Variants in COL12A1 observed in about 807,000 individuals in gnomAD.
COL12A1 encodes the protein collagen type XII alpha 1 chain.
A neutral mutation model predicts 349.7 loss-of-function variants in COL12A1; 114 were observed. The observed-to-expected ratio is 0.33, with a 90% CI of 0.28 to 0.38. The LOEUF is 0.38. Among genes scored for constraint, COL12A1 ranks in the 10% least tolerant of loss-of-function variants. COL12A1 has a pLI of 1.00. For synonymous variants in COL12A1, 1,369 were observed against 1,329.0 expected, an observed-to-expected ratio of 1.03 and a Z score of -0.66; for missense variants, 3,284 against 3,756.9, an observed-to-expected ratio of 0.87 and a Z score of 3.29.
intron 34 of COL12A1, among the ~76,000 whole-genome samples, chr6:75,132,744 A>C (rs4708174): frequency 0.74 from 112,573 of 152,092 alleles, 43,417 homozygotes; most frequent in Non-Finnish European, 0.85. Flanking sequence ...GGTTCCTTTT[A>C]ACTATCAGCA....
rs1407767031 is a variant in COL12A1, at chr6:75,113,844, A to C, written c.7698-100T>G. On this transcript the variant is annotated intron_variant, in intron 49 of 65. Coordinates refer to ENST00000322507, the MANE Select transcript of COL12A1 (RefSeq NM_004370.6). ...TAACATCAAGAACAGATACTCTTTTAAATCTTTGCACCAGAATCTCATATG... is the reference window on the plus strand; with the variant it reads ...TAACATCAAGAACAGATACTCTTTTCAATCTTTGCACCAGAATCTCATATG... The C allele has an allele frequency of 7.7e-6, 7 of 904,728 alleles. No individual in the cohort carries two copies. The East Asian group carries it at 1.9e-4, about 24-fold the overall frequency. The allele number at this position is 904,728 out of a possible 1,614,324, so 56.0% of individuals were successfully genotyped here. A position where few individuals can be genotyped will look rare whatever the true frequency, so the allele number is the denominator to read the frequency against.
chr6:75,111,145 T>C lies in COL12A1; in HGVS notation c.7951-1978A>G, dbSNP rs1768820316. Reference sequence around the variant, plus strand: ...ACAGCTGAAGTATATACAATTTTTCTATATGACATCTCAATAAAGCTGTTT... The same window carrying C: ...ACAGCTGAAGTATATACAATTTTTCCATATGACATCTCAATAAAGCTGTTT... On this transcript the variant is annotated intron_variant, in intron 51 of 65. Coordinates refer to ENST00000322507, the MANE Select transcript of COL12A1 (RefSeq NM_004370.6). Among the ~76,000 whole-genome samples the C allele has an allele frequency of 2.0e-5, 3 of 151,990 alleles. No individual in the cohort carries two copies. The South Asian group carries it at 6.2e-4, about 31-fold the overall frequency.
chr6:75,156,266 C>T lies in COL12A1; in HGVS notation c.3241G>A (p.Gly1081Arg). The change falls in exon 15 of 66, where the codon GGA becomes AGA. Residue 1081 changes from glycine to arginine, a missense_variant. Gly to Arg is a moderately radical substitution (Grantham distance 125). Transcript: ENST00000322507. ...AATTATTATTTCATACCTGTTGTTC[C>T]TGATCCTTGCCTAAGCTTTCCTTCT... is the stretch of plus-strand genomic sequence containing the variant. ...MGEGKLRQGS[G>R]TTASRFKSPR... 6.2e-7 allele frequency: 1 copy of T among 1,613,752 alleles called. No homozygotes were observed. Among genetic ancestry groups the T allele is most frequent in the Non-Finnish European group, 8.5e-7 (1 of 1,179,770 alleles).
chr6:75,089,000 C>CA (rs201853945), intron 64 of COL12A1, 106 bp downstream of exon 64: 72,948 of 612,206 alleles, frequency 0.12, 14 homozygotes, highest in East Asian at 0.13. Context: ...GACTCCGTCT[C>CA]AAAAACAAAA....
intron 55 of COL12A1, 68 bp downstream of exon 55, chr6:75,103,689 G>A (rs576674186): frequency 7.1e-7 from 1 of 1,403,374 alleles, no homozygotes; most frequent in East Asian, 2.3e-5. Context: ...TACCCCCTTT[G>A]TGAAAATTTG....
chr6:75,091,024 G>T (rs1767735728), intron 62 of COL12A1, among the ~76,000 whole-genome samples: 1 of 151,820 alleles, frequency 6.6e-6, no homozygotes, highest in African/African-American at 2.4e-5. Context: ...ATCTTGGTGG[G>T]CCCCCTTCCT....
chr6:75,152,197 T>C lies in COL12A1; in HGVS notation c.3769A>G (p.Arg1257Gly), dbSNP rs763603110. Reference sequence around the variant, plus strand: ...GCTTGCAACAAGCTCTTCTTGTCTCTGTGTGCATTTAACTGCCACTCTGTT... The same window carrying C: ...GCTTGCAACAAGCTCTTCTTGTCTCCGTGTGCATTTAACTGCCACTCTGTT... ...PRTEWQLNAH[R>G]DKKSLLQAVA... Residue 1257 changes from arginine to glycine, a missense_variant, in exon 19 of 66, where the codon AGA (arginine) becomes GGA (glycine). Physicochemically the swap from Arg to Gly is moderately radical, Grantham distance 125. Coordinates refer to ENST00000322507, the MANE Select transcript of COL12A1 (RefSeq NM_004370.6). 4 of 1,613,848 alleles carry C rather than the reference T, an allele frequency of 2.5e-6. No individual in the cohort carries two copies. Among genetic ancestry groups the C allele is most frequent in the Non-Finnish European group, 3.4e-6 (4 of 1,179,822 alleles).
intron 5 of COL12A1, 32 bp from the exon 6 acceptor site, chr6:75,189,847 G>A: frequency 6.2e-7 from 1 of 1,600,528 alleles, no homozygotes; most frequent in Non-Finnish European, 8.5e-7. Context: ...TTTAAATGAT[G>A]CTTTATTAAA....
intron 13 of COL12A1, among the ~76,000 whole-genome samples, chr6:75,172,007 AT>A (rs34270312): frequency 2.0e-5 from 3 of 152,212 alleles, no homozygotes; most frequent in African/African-American, 7.2e-5. Flanking sequence ...AATTAACTGT[AT>A]TTTTTTAAGC....
chr6:75,119,086 G>C lies in COL12A1; in HGVS notation c.7311C>G (p.Ser2437=). The change falls in exon 46 of 66, where the codon TCC becomes TCG. Residue 2437 remains serine, a synonymous_variant. Coordinates refer to ENST00000322507, the MANE Select transcript of COL12A1 (RefSeq NM_004370.6). The part of the protein sequence containing the change: ...KVLVVVTDGR[S]QDEVKKAALV... ...AAGCCGCCTTCTTGACCTCATCCTG[G>C]GACCGACCGTCCGTGACCACAACCA... 6 of 1,613,848 alleles carry C rather than the reference G, an allele frequency of 3.7e-6. No individual in the cohort carries two copies. Among genetic ancestry groups the C allele is most frequent in the Non-Finnish European group, 5.1e-6 (6 of 1,179,884 alleles).
chr6:75,089,738 C>A (rs910624539), intron 63 of COL12A1, among the ~76,000 whole-genome samples: 3 of 152,040 alleles, frequency 2.0e-5, no homozygotes, highest in East Asian at 1.9e-4. Context: ...ATAAAGGAAC[C>A]AAAATAAGTT....
At chr6:75,163,815 G>A (rs1249054326) in intron 14 of COL12A1, among the ~76,000 whole-genome samples, 3 of 152,040 alleles carry the variant, frequency 2.0e-5, no homozygotes, top group Admixed American at 6.6e-5. Context: ...TGCTTTTGGC[G>A]ACAACACATC....
intron 44 of COL12A1, 22 bp downstream of exon 44, chr6:75,121,280 C>A (rs371241493): frequency 8.4e-6 from 13 of 1,545,302 alleles, no homozygotes; most frequent in Non-Finnish European, 9.7e-6. Flanking sequence ...AAATGAGTAG[C>A]CACTGGCGGA....
chr6:75,168,398 G>A (rs1366178463), intron 13 of COL12A1, among the ~76,000 whole-genome samples: 1 of 152,184 alleles, frequency 6.6e-6, no homozygotes, highest in East Asian at 1.9e-4. Context: ...CAAGTGGATT[G>A]CGCCCTGTGG....
chr6:75,092,476 G>T (rs1767819264), intron 60 of COL12A1, among the ~76,000 whole-genome samples: 2 of 152,148 alleles, frequency 1.3e-5, no homozygotes, highest in Admixed American at 1.3e-4. Context: ...CACCATAAGA[G>T]ATATTGGAAA....
intron 25 of COL12A1, among the ~76,000 whole-genome samples, chr6:75,144,221 G>T (rs1470017110): frequency 6.6e-6 from 1 of 152,122 alleles, no homozygotes; most frequent in Middle Eastern, 3.4e-3. Flanking sequence ...CTGTGACTTT[G>T]GGTCTCCTCT....
At chr6:75,144,514 A>T (rs1223890876) in intron 25 of COL12A1, among the ~76,000 whole-genome samples, 1 of 152,160 alleles carries the variant, frequency 6.6e-6, no homozygotes, top group Admixed American at 6.5e-5. Flanking sequence ...AGACTCATTA[A>T]ATTTAAGCCA....
intron 10 of COL12A1, 23 bp from the exon 11 acceptor site, chr6:75,181,234 A>C (rs1205813424): frequency 6.4e-7 from 1 of 1,555,932 alleles, no homozygotes; most frequent in African/African-American, 1.4e-5. Flanking sequence ...AAAAAAAGAC[A>C]GTTAAAAATG....
chr6:75,146,444 T>C (rs1390607842), intron 23 of COL12A1, among the ~76,000 whole-genome samples, 200 bp from the exon 24 acceptor site: 1 of 152,198 alleles, frequency 6.6e-6, no homozygotes, highest in East Asian at 1.9e-4. Flanking sequence ...TATTCAAGAC[T>C]GCACGTTACC....
Sources: allele counts gnomAD v4.1 joint callset (sites outside exome capture counted in the v4.1 genomes callset), GRCh38; gene constraint gnomAD v4.1.1; transcripts MANE v1.5; gene names NCBI Gene and HGNC (gene_info 2026-07-23, HGNC 2026-07-21).